Variants in MIPOL1 observed in about 807,000 individuals in gnomAD.
MIPOL1 encodes mirror-image polydactyly 1.
MIPOL1 carries 57 observed loss-of-function variants against 60.9 expected under a neutral mutation model. The observed-to-expected ratio is 0.94, with a 90% CI of 0.76 to 1.17. The LOEUF is 1.17. MIPOL1 is among the 50% of genes most tolerant of loss of function. The probability of loss-of-function intolerance (pLI) is 0.00; values close to 1 mark genes in which losing one functional copy is unlikely to be tolerated. For synonymous variants in MIPOL1, 179 were observed against 168.8 expected, an observed-to-expected ratio of 1.06 and a Z score of -0.47; for missense variants, 551 against 511.6, an observed-to-expected ratio of 1.08 and a Z score of -0.74.
At chr14:37,396,723 T>C (rs2093378932) in intron 10 of MIPOL1, among the ~76,000 whole-genome samples, 1 of 152,162 alleles carries the variant, frequency 6.6e-6, no homozygotes, top group Non-Finnish European at 1.5e-5. Context: ...AAAGACCTTG[T>C]CTTCAAGCTC....
At chr14:37,485,342 A>G (rs2094931313) in intron 11 of MIPOL1, among the ~76,000 whole-genome samples, 1 of 152,204 alleles carries the variant, frequency 6.6e-6, no homozygotes, top group African/African-American at 2.4e-5. Flanking sequence ...CTTTGGGTAT[A>G]TACCCAGTAA....
At chr14:37,524,162 T>C (rs2095431322) in intron 12 of MIPOL1, among the ~76,000 whole-genome samples, 2 of 152,172 alleles carry the variant, frequency 1.3e-5, no homozygotes, top group Non-Finnish European at 2.9e-5. Flanking sequence ...ATCCGGGATA[T>C]ATTCTGATTT....
chr14:37,377,697 A>C (rs1205409743), intron 10 of MIPOL1, among the ~76,000 whole-genome samples: 2 of 150,126 alleles, frequency 1.3e-5, no homozygotes, highest in East Asian at 3.9e-4. Flanking sequence ...ACAATTCAGC[A>C]TTCAGTCTTG....
chr14:37,426,547 G>A (rs1251952391), intron 11 of MIPOL1, among the ~76,000 whole-genome samples: 1 of 96,920 alleles, frequency 1.0e-5, no homozygotes, highest in Non-Finnish European at 2.1e-5. Context: ...GGCAACAAGA[G>A]TGAAACTCTG....
chr14:37,501,088 G>C, intron 12 of MIPOL1, among the ~76,000 whole-genome samples: 1 of 152,132 alleles, frequency 6.6e-6, no homozygotes. Context: ...CCAAAGTTAT[G>C]TAAGTCAGTA....
At chr14:37,408,495 T>G (rs916179061) in intron 10 of MIPOL1, among the ~76,000 whole-genome samples, 1 of 152,008 alleles carries the variant, frequency 6.6e-6, no homozygotes, top group African/African-American at 2.4e-5. Context: ...TTGGGTGTGG[T>G]GGCATGTACC....
At chr14:37,367,804 A>G (rs1000222164) in intron 9 of MIPOL1, among the ~76,000 whole-genome samples, 3 of 152,050 alleles carry the variant, frequency 2.0e-5, no homozygotes, top group African/African-American at 4.8e-5. Flanking sequence ...GAATATCTCT[A>G]CTGTATCGTG....
intron 12 of MIPOL1, among the ~76,000 whole-genome samples, chr14:37,538,816 G>C (rs1272338073): frequency 6.6e-6 from 1 of 152,094 alleles, no homozygotes; most frequent in African/African-American, 2.4e-5. Context: ...CGCACATCAA[G>C]AGAGAGTCCT....
Position 37,296,616 on chromosome 14 carries a change from AG to A in MIPOL1, c.623+11173del, listed in dbSNP as rs1280040278. ...AAATAGACACAATAAAAAATGGCAA[AG>A]GGGATATCACCACTGATCCCACAGA... On this transcript the variant is annotated intron_variant, in intron 7 of 12. Coordinates refer to ENST00000684589, the MANE Select transcript of MIPOL1 (RefSeq NM_001388067.1). Among the ~76,000 whole-genome samples, 5 of 152,340 alleles carry A rather than the reference AG, an allele frequency of 3.3e-5. No individual in the cohort carries two copies. In the East Asian group the frequency reaches 9.7e-4, roughly 29 times the overall value.
At chr14:37,374,548 A>G (rs1189749975) in intron 10 of MIPOL1, among the ~76,000 whole-genome samples, 1 of 151,998 alleles carries the variant, frequency 6.6e-6, no homozygotes, top group African/African-American at 2.4e-5. Flanking sequence ...ATCCATCTTG[A>G]GTTAATTTTT....
At chr14:37,338,268 G>A (rs1206052809) in intron 9 of MIPOL1, among the ~76,000 whole-genome samples, 1 of 150,358 alleles carries the variant, frequency 6.7e-6, no homozygotes, top group Non-Finnish European at 1.5e-5. Context: ...CACCATGCCC[G>A]GCTAGTTTTC....
chr14:37,360,027 G>A lies in MIPOL1; in HGVS notation c.829-9490G>A, dbSNP rs370965110. 7.9e-4 allele frequency among the ~76,000 whole-genome samples: 121 copies of A among 152,260 alleles called. 1 individual carries two copies. In the South Asian group the frequency reaches 0.024, roughly 30 times the overall value. On this transcript the variant is annotated intron_variant, in intron 9 of 12. Transcript: ENST00000684589. ...CTAGTTCATTGTGAGTTTTTAGCAT[G>A]AAGGGCTGTTGAATTTTGTCGAAGG...
intron 11 of MIPOL1, among the ~76,000 whole-genome samples, chr14:37,461,146 G>T (rs2094533980): frequency 6.6e-6 from 1 of 152,132 alleles, no homozygotes; most frequent in Non-Finnish European, 1.5e-5. Context: ...TATGGTACTT[G>T]TATTAGTCTG....
intron 11 of MIPOL1, among the ~76,000 whole-genome samples, chr14:37,472,493 C>G (rs959871648): frequency 6.6e-6 from 1 of 152,008 alleles, no homozygotes; most frequent in African/African-American, 2.4e-5. Flanking sequence ...AGAACTGACC[C>G]TTATGCAGAT....
At chr14:37,302,991 A>G (rs1002812656) in intron 7 of MIPOL1, among the ~76,000 whole-genome samples, 7 of 151,886 alleles carry the variant, frequency 4.6e-5, no homozygotes, top group African/African-American at 1.7e-4. Flanking sequence ...TGTTCAATTT[A>G]TCAGGCACCA....
chr14:37,323,779 C>T (rs1376173991), intron 9 of MIPOL1, among the ~76,000 whole-genome samples: 1 of 151,916 alleles, frequency 6.6e-6, no homozygotes, highest in Non-Finnish European at 1.5e-5. Context: ...TCATCTCTGC[C>T]TCACCCAAAC....
chr14:37,294,988 A>G (rs969150474), intron 7 of MIPOL1, among the ~76,000 whole-genome samples: 1 of 152,190 alleles, frequency 6.6e-6, no homozygotes, highest in African/African-American at 2.4e-5. Flanking sequence ...GAGCAACTCC[A>G]AGACACGTAA....
intron 10 of MIPOL1, among the ~76,000 whole-genome samples, chr14:37,378,223 C>A (rs1277739283): frequency 1.3e-5 from 2 of 151,994 alleles, no homozygotes; most frequent in Non-Finnish European, 2.9e-5. Flanking sequence ...TATTTTAACA[C>A]AAATCATGTA....
rs3062723 is a variant in MIPOL1 at position 37,550,495 on chromosome 14, C to CATATATATATATATATATATATATAT, written c.*3543_*3544insTATATATATATATATATATATATATA. Reference sequence around the variant, plus strand: ...AGCTAACCTATCTATTCATATTTTACATATATATATATATATATACATGCA... The same window carrying CATATATATATATATATATATATATAT: ...AGCTAACCTATCTATTCATATTTTACATATATATATATATATATATATATATATATATATATATATATATACATGCA... On this transcript the variant is annotated 3_prime_UTR_variant, in exon 13 of 13. Coordinates refer to ENST00000684589, the MANE Select transcript of MIPOL1 (RefSeq NM_001388067.1). The CATATATATATATATATATATATATAT allele has an allele frequency of 4.4e-4, 64 of 145,756 alleles. No individual in the cohort carries two copies. Among genetic ancestry groups the CATATATATATATATATATATATATAT allele is most frequent in the African/African-American group, 1.5e-3 (61 of 39,712 alleles). The allele number at this position is 145,756 out of a possible 1,614,324, so 9.0% of individuals were successfully genotyped here. A position where few individuals can be genotyped will look rare whatever the true frequency, so the allele number is the denominator to read the frequency against.
Sources: allele counts gnomAD v4.1 joint callset (sites outside exome capture counted in the v4.1 genomes callset), GRCh38; gene constraint gnomAD v4.1.1; transcripts MANE v1.5; gene names NCBI Gene and HGNC (gene_info 2026-07-23, HGNC 2026-07-21).